Variants in GABRP observed in about 807,000 individuals in gnomAD.
GABRP encodes the protein gamma-aminobutyric acid type A receptor subunit pi.
Under a neutral mutation model 47.8 loss-of-function variants are expected in GABRP, and 52 were observed. That is an observed-to-expected ratio of 1.09 (90% CI 0.87 to 1.37). The LOEUF (loss-of-function observed/expected upper bound fraction) is 1.37, where lower values mean the gene tolerates loss of function less well. Among genes scored for constraint, GABRP ranks in the 40% most tolerant of loss-of-function variants. The pLI is 0.00. For synonymous variants in GABRP, 221 were observed against 205.8 expected, an observed-to-expected ratio of 1.07 and a Z score of -0.63; for missense variants, 525 against 542.8, an observed-to-expected ratio of 0.97 and a Z score of 0.33.
intron 8 of GABRP, 51 bp downstream of exon 8, chr5:170,808,803 A>G: frequency 6.4e-7 from 1 of 1,551,682 alleles, no homozygotes; most frequent in Non-Finnish European, 8.8e-7. Flanking sequence ...CAGGTTACTT[A>G]CTTTTTTTCC....
At chr5:170,809,044 C>G (rs1765814150) in intron 8 of GABRP, among the ~76,000 whole-genome samples, 1 of 152,082 alleles carries the variant, frequency 6.6e-6, no homozygotes, top group South Asian at 2.1e-4. Context: ...TCAAGTGACT[C>G]TCCTGCCTTA....
intron 4 of GABRP, 169 bp downstream of exon 4, chr5:170,794,467 G>C (rs1409037514): frequency 2.3e-6 from 1 of 430,130 alleles, no homozygotes; most frequent in Non-Finnish European, 4.2e-6. Flanking sequence ...CAAGACAGTG[G>C]GAGATTCTTG....
chr5:170,813,173 G>C lies in GABRP; in HGVS notation c.*915G>C, dbSNP rs1765937890. ...GCTGCCTTTATTCACATAGTGATGG[G>C]GTACTAAAAGTACTGGGTTGACTCA... On this transcript the variant is annotated 3_prime_UTR_variant, in exon 10 of 10. Coordinates refer to ENST00000265294, the MANE Select transcript of GABRP (RefSeq NM_014211.3). 1.3e-5 allele frequency: 2 copies of C among 152,100 alleles called. No homozygotes were observed. The highest frequency in any genetic ancestry group is 3.4e-3 in the Middle Eastern group (1 of 294). The allele number at this position is 152,100 out of a possible 1,614,324, so 9.4% of individuals were successfully genotyped here.
rs753527811 is a variant in GABRP at position 170,794,318 on chromosome 5, A to G, written c.240+20A>G. On this transcript the variant is annotated intron_variant, in intron 4 of 9. Coordinates refer to ENST00000265294, the MANE Select transcript of GABRP (RefSeq NM_014211.3). ...AACATGGTAAGCGCTGTTCCTTTGT[A>G]CTCTACCCAAGTAGTCCCTCTCTGT... The G allele has an allele frequency of 1.3e-6, 2 of 1,517,590 alleles. No individual in the cohort carries two copies. Among genetic ancestry groups the G allele is most frequent in the South Asian group, 1.2e-5 (1 of 86,428 alleles). 94.0% of individuals were successfully genotyped at this position (1,517,590 alleles called of 1,614,324 possible). A position where few individuals can be genotyped will look rare whatever the true frequency, so the allele number is the denominator to read the frequency against.
chr5:170,803,943 T>A (rs1765659686), intron 6 of GABRP, among the ~76,000 whole-genome samples: 2 of 152,086 alleles, frequency 1.3e-5, no homozygotes, highest in South Asian at 4.2e-4. Context: ...AATTTTTGTA[T>A]TTTTAGTAGA....
chr5:170,806,037 C>T (rs1765727165), intron 7 of GABRP, among the ~76,000 whole-genome samples, 184 bp downstream of exon 7: 1 of 152,186 alleles, frequency 6.6e-6, no homozygotes. Flanking sequence ...CACTGAGGAA[C>T]AGACCTCTGG....
chr5:170,795,444 C>T lies in GABRP; in HGVS notation c.458+19C>T. The T allele has an allele frequency of 6.2e-7, 1 of 1,601,536 alleles. No homozygotes were observed. The highest frequency in any genetic ancestry group is 8.6e-7 in the Non-Finnish European group (1 of 1,168,704). ...CCCTCAGGTACGCGGACACCTGTGACCTCAGGGGTGGAGGACGGCAGCTGG... is the reference window on the plus strand; with the variant it reads ...CCCTCAGGTACGCGGACACCTGTGATCTCAGGGGTGGAGGACGGCAGCTGG... On this transcript the variant is annotated intron_variant, in intron 5 of 9. Coordinates refer to ENST00000265294, the MANE Select transcript of GABRP (RefSeq NM_014211.3).
intron 6 of GABRP, among the ~76,000 whole-genome samples, chr5:170,803,742 G>GTGGT (rs3079467): frequency 0.38 from 56,796 of 147,890 alleles, 12,454 homozygotes; most frequent in East Asian, 0.61. Context: ...CATGCACTAT[G>GTGGT]TGGTTGGTTG....
chr5:170,806,050 C>A (rs1765727448), intron 7 of GABRP, among the ~76,000 whole-genome samples, 197 bp downstream of exon 7: 1 of 152,138 alleles, frequency 6.6e-6, no homozygotes, highest in South Asian at 2.1e-4. Context: ...ACCTCTGGAC[C>A]AGCTCTGAAG....
In GABRP at chr5:170,812,101, A is replaced by G; in HGVS notation, c.1166A>G (p.Asp389Gly). 1 of 1,614,226 alleles carries G rather than the reference A, an allele frequency of 6.2e-7. No individual in the cohort carries two copies. Residue 389 changes from aspartate (D) to glycine (G), a missense_variant, in exon 10 of 10, where the codon GAC becomes GGC. By Grantham distance (94) the Asp-to-Gly change is moderately conservative (BLOSUM62 -1). Transcript: ENST00000265294. ...AGTGACTTGACAATGAAAACCAGCG[A>G]CAAGTTCAAGTTTGTCTTCCGAGAA... Reference protein sequence around the residue: ...DYSDLTMKTSDKFKFVFREKM... With the variant: ...DYSDLTMKTSGKFKFVFREKM...
chr5:170,788,366 A>C, intron 1 of GABRP: 1 of 311,426 alleles, frequency 3.2e-6, no homozygotes, highest in Non-Finnish European at 5.3e-6. Flanking sequence ...TAAAAAATTA[A>C]AAAAAAAAAA....
chr5:170,788,437 C>T (rs41382746), intron 1 of GABRP, 137 bp from the exon 2 acceptor site: 11,378 of 556,604 alleles, frequency 0.02, 322 homozygotes, highest in South Asian at 0.091. Flanking sequence ...GAGCTGTAAC[C>T]GAAAGGTATG....
chr5:170,803,380 C>T (rs1334773960), intron 6 of GABRP, among the ~76,000 whole-genome samples: 1 of 152,158 alleles, frequency 6.6e-6, no homozygotes, highest in African/African-American at 2.4e-5. Context: ...CCATCACTAG[C>T]TCTGTGACTC....
At position 170,788,620 on chromosome 5, in the gene GABRP, A is replaced by G; in HGVS notation, c.5A>G (p.Asn2Ser). M[N>S]YSLHLAFVCL... is the part of the protein sequence containing the mutation. ...TGGTGTGAGCAGCTTCTCAACATGA[A>G]CTACAGCCTCCACTTGGCCTTCGTG... Residue 2 changes from asparagine to serine, a missense_variant, in exon 2 of 10, where the codon AAC (asparagine) becomes AGC (serine). Transcript: ENST00000265294. The G allele has an allele frequency of 6.2e-7, 1 of 1,614,130 alleles. No individual in the cohort carries two copies. The highest frequency in any genetic ancestry group is 8.5e-7 in the Non-Finnish European group (1 of 1,180,004).
At position 170,812,359 on chromosome 5, in the gene GABRP, A is replaced by G. The variant is rs751569781; in HGVS notation, c.*101A>G. On this transcript the variant is annotated 3_prime_UTR_variant, in exon 10 of 10. Coordinates refer to ENST00000265294, the MANE Select transcript of GABRP (RefSeq NM_014211.3). ...GTGTGCACCCACATCCAATGGTGCT[A>G]CAAGTGACTGAAATAATATTTGAGT... 13 of 851,282 alleles carry G rather than the reference A, an allele frequency of 1.5e-5. No individual in the cohort carries two copies. The highest frequency in any genetic ancestry group is 4.7e-5 in the Admixed American group (2 of 42,606). 52.7% of individuals were successfully genotyped at this position (851,282 alleles called of 1,614,324 possible).
chr5:170,805,372 T>C (rs1247765287), intron 6 of GABRP, among the ~76,000 whole-genome samples: 1 of 152,182 alleles, frequency 6.6e-6, no homozygotes, highest in African/African-American at 2.4e-5. Flanking sequence ...TTATACAATC[T>C]TGAAAGGCAG....
intron 6 of GABRP, among the ~76,000 whole-genome samples, chr5:170,802,745 G>A (rs192690561): frequency 2.0e-5 from 3 of 146,602 alleles, no homozygotes; most frequent in Admixed American, 6.7e-5. Flanking sequence ...CCCAGTGAGC[G>A]GAGGGAGCTT....
chr5:170,812,099 C>G lies in GABRP; in HGVS notation c.1164C>G (p.Ser388Arg), dbSNP rs144718144. 12 of 1,614,116 alleles carry G rather than the reference C, an allele frequency of 7.4e-6. No homozygotes were observed. The highest frequency in any genetic ancestry group is 7.6e-6 in the Non-Finnish European group (9 of 1,180,018). ...VDYSDLTMKT[S>R]DKFKFVFREK... ...ACAGTGACTTGACAATGAAAACCAG[C>G]GACAAGTTCAAGTTTGTCTTCCGAG... Residue 388 changes from serine (S) to arginine (R), a missense_variant, in exon 10 of 10, where the codon AGC (serine) becomes AGG (arginine). Physicochemically the swap from Ser to Arg is moderately radical, Grantham distance 110. Coordinates refer to ENST00000265294, the MANE Select transcript of GABRP (RefSeq NM_014211.3).
intron 1 of GABRP, chr5:170,788,364 T>TAAAA: frequency 8.8e-6 from 3 of 339,680 alleles, no homozygotes; most frequent in Non-Finnish European, 1.0e-5. Context: ...AATAAAAAAT[T>TAAAA]AAAAAAAAAA....
Sources: allele counts gnomAD v4.1 joint callset (sites outside exome capture counted in the v4.1 genomes callset), GRCh38; gene constraint gnomAD v4.1.1; transcripts MANE v1.5; gene names NCBI Gene and HGNC (gene_info 2026-07-23, HGNC 2026-07-21).